Variants in DLG2 observed in about 807,000 individuals in gnomAD.
DLG2 encodes the protein disks large homolog 2.
DLG2 carries 45 observed loss-of-function variants against 132.5 expected under a neutral mutation model. The ratio of observed to expected loss-of-function variants is 0.34; its 90% CI spans 0.27 to 0.44. The LOEUF (loss-of-function observed/expected upper bound fraction) is 0.44, where lower values mean the gene tolerates loss of function less well. DLG2 is among the 20% of genes least tolerant of loss of function. The pLI is 1.00. For synonymous variants in DLG2, 424 were observed against 419.6 expected (o/e 1.01, Z -0.13); for missense variants, 1,045 against 1,196.9 (o/e 0.87, Z 1.87).
chr11:84,977,808 T>C (rs1453184084), intron 6 of DLG2, among the ~76,000 whole-genome samples: 2 of 152,182 alleles, frequency 1.3e-5, no homozygotes, highest in East Asian at 3.9e-4. Flanking sequence ...AAATATTTTG[T>C]ACCTGGGGGG....
intron 18 of DLG2, among the ~76,000 whole-genome samples, chr11:83,758,767 T>C (rs2153749816): frequency 6.6e-6 from 1 of 152,326 alleles, no homozygotes; most frequent in Non-Finnish European, 1.5e-5. Context: ...TCAATCTTAC[T>C]TTCTAGGCTG....
chr11:85,460,969 G>A (rs1223724235), intron 3 of DLG2, among the ~76,000 whole-genome samples: 1 of 152,130 alleles, frequency 6.6e-6, no homozygotes, highest in Non-Finnish European at 1.5e-5. Flanking sequence ...TTGATTTGTG[G>A]TGGTGCTCAT....
At chr11:84,252,140 CTTTTTTTTTTTTTTTT>C (rs1176873990) in intron 7 of DLG2, among the ~76,000 whole-genome samples, 2 of 65,338 alleles carry the variant, frequency 3.1e-5, no homozygotes, top group Non-Finnish European at 5.4e-5. Context: ...TTCTTTCTTT[CTTTTTTTTTTTTTTTT>C]TTTTTTTTTT....
At chr11:84,762,150 T>C (rs1414340870) in intron 6 of DLG2, 2 of 152,330 alleles carry the variant, frequency 1.3e-5, no homozygotes, top group East Asian at 3.9e-4. Flanking sequence ...CTTCATCATA[T>C]GCAACCTTCA....
At chr11:84,020,946 G>A (rs906925109) in intron 11 of DLG2, among the ~76,000 whole-genome samples, 1 of 152,186 alleles carries the variant, frequency 6.6e-6, no homozygotes, top group Non-Finnish European at 1.5e-5. Flanking sequence ...CTAACACTAA[G>A]AGAGCTGGGC....
chr11:83,994,306 A>G (rs1179783347), intron 11 of DLG2, among the ~76,000 whole-genome samples: 1 of 152,176 alleles, frequency 6.6e-6, no homozygotes, highest in Non-Finnish European at 1.5e-5. Context: ...CCCACGTTGG[A>G]TAGTTACCAC....
intron 19 of DLG2, among the ~76,000 whole-genome samples, chr11:83,629,281 C>CA (rs35328230): frequency 6.6e-6 from 1 of 152,124 alleles, no homozygotes; most frequent in South Asian, 2.1e-4. Flanking sequence ...AATATACACT[C>CA]AAAAAATGTT....
chr11:85,463,636 T>C (rs1165721693), intron 3 of DLG2, among the ~76,000 whole-genome samples: 1 of 152,110 alleles, frequency 6.6e-6, no homozygotes, highest in Admixed American at 6.5e-5. Flanking sequence ...GCAGGCATGG[T>C]TGTGTGCATC....
intron 4 of DLG2, among the ~76,000 whole-genome samples, chr11:85,185,529 T>C (rs866862265): frequency 2.0e-5 from 3 of 151,982 alleles, no homozygotes; most frequent in Middle Eastern, 3.2e-3. Context: ...GAGTATCTCA[T>C]TGTGAGAGCA....
intron 11 of DLG2, among the ~76,000 whole-genome samples, chr11:84,002,766 G>A (rs2094415093): frequency 6.6e-6 from 1 of 152,068 alleles, no homozygotes; most frequent in Admixed American, 6.6e-5. Flanking sequence ...ATGCCCTGGA[G>A]ACATTTTTCC....
At chr11:84,529,722 A>T (rs1013440976) in intron 7 of DLG2, among the ~76,000 whole-genome samples, 1 of 152,228 alleles carries the variant, frequency 6.6e-6, no homozygotes, top group African/African-American at 2.4e-5. Flanking sequence ...TACTCCCTAA[A>T]GCAATTTACA....
chr11:85,422,989 G>A (rs780424089), intron 3 of DLG2, among the ~76,000 whole-genome samples: 1 of 151,160 alleles, frequency 6.6e-6, no homozygotes, highest in Non-Finnish European at 1.5e-5. Flanking sequence ...TTGAGCTAGT[G>A]TGATTTCTTG....
chr11:84,114,257 C>A (rs1363123210), intron 9 of DLG2, among the ~76,000 whole-genome samples: 2 of 152,012 alleles, frequency 1.3e-5, no homozygotes, highest in African/African-American at 4.8e-5. Flanking sequence ...TAAAAAGGAT[C>A]CTGAGACCAA....
At chr11:85,509,610 C>T (rs2094011319) in intron 3 of DLG2, among the ~76,000 whole-genome samples, 1 of 151,986 alleles carries the variant, frequency 6.6e-6, no homozygotes, top group Non-Finnish European at 1.5e-5. Context: ...ATTGAAGAAC[C>T]GATATCCTCC....
At chr11:85,193,799 A>G (rs2080820123) in intron 4 of DLG2, among the ~76,000 whole-genome samples, 1 of 152,150 alleles carries the variant, frequency 6.6e-6, no homozygotes. Flanking sequence ...TATGTTTTGT[A>G]TATTTTCTAC....
intron 18 of DLG2, among the ~76,000 whole-genome samples, chr11:83,734,335 TTTCCCTTC>T (rs2091524050): frequency 6.9e-6 from 1 of 145,916 alleles, no homozygotes; most frequent in African/African-American, 2.5e-5. Context: ...GATCACTAAT[TTTCCCTTC>T]CTTCCTTCCT....
chr11:84,877,157 T>C (rs2086482443), intron 6 of DLG2, among the ~76,000 whole-genome samples: 6 of 152,154 alleles, frequency 3.9e-5, no homozygotes, highest in Admixed American at 3.9e-4. Flanking sequence ...AGAATGTATA[T>C]TCTGTTGATT....
intron 3 of DLG2, among the ~76,000 whole-genome samples, chr11:85,365,933 G>A (rs988438069): frequency 6.6e-6 from 1 of 152,170 alleles, no homozygotes; most frequent in African/African-American, 2.4e-5. Flanking sequence ...GGTCCTGCCA[G>A]GAGGTGGGGG....
intron 3 of DLG2, among the ~76,000 whole-genome samples, chr11:85,419,132 T>G (rs1247585138): frequency 1.3e-5 from 2 of 152,230 alleles, no homozygotes; most frequent in Admixed American, 1.3e-4. Flanking sequence ...TAACAAAATC[T>G]CTCAGCATTT....
Sources: allele counts gnomAD v4.1 joint callset (sites outside exome capture counted in the v4.1 genomes callset), GRCh38; gene constraint gnomAD v4.1.1; transcripts MANE v1.5; gene names NCBI Gene and HGNC (gene_info 2026-07-23, HGNC 2026-07-21).